The following PPP3R1 variants were observed in gnomAD, a reference collection of about 807,000 sequenced individuals.
PPP3R1 encodes the protein protein phosphatase 3 regulatory subunit B, alpha, also known as calcineurin subunit B type 1.
In PPP3R1, 5 loss-of-function variants were observed where a neutral mutation model predicts 22.6. That is an observed-to-expected ratio of 0.22 (90% CI 0.12 to 0.46). The LOEUF (loss-of-function observed/expected upper bound fraction) is 0.46. Among genes scored for constraint, PPP3R1 ranks in the 20% least tolerant of loss-of-function variants. The pLI is 0.99. For synonymous variants in PPP3R1, 56 were observed against 65.2 expected, an observed-to-expected ratio of 0.86 and a Z score of 0.68; for missense variants, 61 against 203.2, an observed-to-expected ratio of 0.30 and a Z score of 4.25.
intron 2 of PPP3R1, among the ~76,000 whole-genome samples, chr2:68,201,423 G>C (rs954497025): frequency 6.6e-6 from 1 of 151,440 alleles, no homozygotes; most frequent in African/African-American, 2.4e-5. Flanking sequence ...TTTTTCTCTC[G>C]TTGACTTTTA....
intron 1 of PPP3R1, among the ~76,000 whole-genome samples, chr2:68,222,671 T>C (rs1032327130): frequency 6.6e-6 from 1 of 152,210 alleles, no homozygotes; most frequent in South Asian, 2.1e-4. Flanking sequence ...CAGCACCAGC[T>C]TTCCTGGGTC....
intron 1 of PPP3R1, among the ~76,000 whole-genome samples, chr2:68,247,342 A>C (rs551338554): frequency 6.6e-5 from 10 of 151,310 alleles, no homozygotes; most frequent in African/African-American, 2.2e-4. Context: ...TCCTAGGAGA[A>C]TGTGCATTTC....
chr2:68,212,609 G>A (rs934945510), intron 2 of PPP3R1, among the ~76,000 whole-genome samples: 3 of 152,200 alleles, frequency 2.0e-5, no homozygotes, highest in African/African-American at 7.2e-5. Flanking sequence ...TTGTCAATGA[G>A]CAACAATATT....
chr2:68,213,515 T>C (rs1437449579), intron 2 of PPP3R1, among the ~76,000 whole-genome samples: 1 of 152,054 alleles, frequency 6.6e-6, no homozygotes, highest in Non-Finnish European at 1.5e-5. Context: ...ATGATTACAA[T>C]AGTAACATCA....
chr2:68,224,542 C>A (rs2103782286), intron 1 of PPP3R1, among the ~76,000 whole-genome samples: 1 of 151,834 alleles, frequency 6.6e-6, no homozygotes, highest in African/African-American at 2.4e-5. Flanking sequence ...CAGGCGCCTG[C>A]AATCCCAGCT....
intron 1 of PPP3R1, among the ~76,000 whole-genome samples, chr2:68,240,071 T>C (rs1407563273): frequency 6.6e-6 from 1 of 152,228 alleles, no homozygotes; most frequent in Non-Finnish European, 1.5e-5. Flanking sequence ...AGATGTACAT[T>C]AGGTGTATTC....
At chr2:68,251,318 A>C (rs1244960463) in intron 1 of PPP3R1, among the ~76,000 whole-genome samples, 1 of 152,200 alleles carries the variant, frequency 6.6e-6, no homozygotes, top group Non-Finnish European at 1.5e-5. Context: ...ACAAATTAAA[A>C]TCGCCATGAT....
chr2:68,216,260 T>A (rs1340293140), intron 2 of PPP3R1, among the ~76,000 whole-genome samples: 1 of 152,096 alleles, frequency 6.6e-6, no homozygotes, highest in African/African-American at 2.4e-5. Flanking sequence ...TAACATCCAA[T>A]CTTTCAAACA....
intron 1 of PPP3R1, among the ~76,000 whole-genome samples, chr2:68,227,924 G>A (rs763833220): frequency 1.3e-5 from 2 of 152,036 alleles, no homozygotes; most frequent in African/African-American, 2.4e-5. Context: ...AACGGGATCC[G>A]TTTTTCTTCT....
intron 5 of PPP3R1, among the ~76,000 whole-genome samples, chr2:68,184,646 C>T (rs981856595): frequency 6.6e-6 from 1 of 152,148 alleles, no homozygotes; most frequent in Non-Finnish European, 1.5e-5. Context: ...ACTGTTATAG[C>T]TTGAGAAGTC....
chr2:68,198,281 GTA>G (rs1558630967), intron 2 of PPP3R1, among the ~76,000 whole-genome samples: 1 of 143,964 alleles, frequency 6.9e-6, no homozygotes, highest in Non-Finnish European at 1.5e-5. Context: ...GTGTATGCAT[GTA>G]TGTGTATACA....
intron 2 of PPP3R1, among the ~76,000 whole-genome samples, chr2:68,190,457 T>G (rs1377568603): frequency 6.6e-6 from 1 of 151,878 alleles, no homozygotes; most frequent in East Asian, 1.9e-4. Flanking sequence ...TCCCAGGTAC[T>G]TGGGAGGCTG....
chr2:68,211,406 C>CA lies in PPP3R1; in HGVS notation c.43+5685dup, dbSNP rs3979551. Among the ~76,000 whole-genome samples, 216 of 77,344 alleles carry CA rather than the reference C, an allele frequency of 2.8e-3. 2 individuals carry two copies. The highest frequency in any genetic ancestry group is 0.015 in the East Asian group (36 of 2,424). The allele number at this position is 77,344 out of a possible 152,430, so 50.7% of individuals were successfully genotyped here. ...TGGGCGACTGAGCGAGACTCTGTCT[C>CA]AAAAAAAAAAAAAAAAAAACTCTAT... On this transcript the variant is annotated intron_variant, in intron 2 of 5. Coordinates refer to ENST00000234310, the MANE Select transcript of PPP3R1 (RefSeq NM_000945.4).
At position 68,252,173 on chromosome 2, in the gene PPP3R1, G is replaced by A; in HGVS notation, c.-46C>T. On this transcript the variant is annotated 5_prime_UTR_variant, in exon 1 of 6. Transcript: ENST00000234310. ...CTCGCTGGCTCGCTGGCTCGGAGAA[G>A]TGTTGCGCTCAGGCTGGCTCGCAGG... is the stretch of plus-strand genomic sequence containing the variant. The A allele has an allele frequency of 7.2e-6, 10 of 1,384,234 alleles. No individual in the cohort carries two copies. The highest frequency in any genetic ancestry group is 9.6e-6 in the Non-Finnish European group (10 of 1,046,222). 85.7% of individuals were successfully genotyped at this position (1,384,234 alleles called of 1,614,324 possible). A position where few individuals can be genotyped will look rare whatever the true frequency, so the allele number is the denominator to read the frequency against.
chr2:68,217,982 C>T (rs563522074), intron 1 of PPP3R1, among the ~76,000 whole-genome samples: 24 of 152,196 alleles, frequency 1.6e-4, no homozygotes, highest in African/African-American at 5.8e-4. Context: ...ACTTCTAAAT[C>T]TAAAACAGTA....
chr2:68,217,059 A>C, intron 2 of PPP3R1, 33 bp downstream of exon 2: 1 of 1,512,038 alleles, frequency 6.6e-7, no homozygotes, highest in Non-Finnish European at 9.0e-7. Context: ...TGAGTGAATA[A>C]AAGTAACTTT....
intron 1 of PPP3R1, among the ~76,000 whole-genome samples, chr2:68,227,302 A>T (rs538554015): frequency 1.4e-4 from 22 of 152,150 alleles, no homozygotes; most frequent in African/African-American, 5.3e-4. Flanking sequence ...CTTGAAAAGT[A>T]AGTTATCTTA....
chr2:68,217,162 A>G, intron 1 of PPP3R1, 31 bp from the exon 2 acceptor site: 2 of 1,504,956 alleles, frequency 1.3e-6, no homozygotes, highest in Middle Eastern at 3.4e-4. Flanking sequence ...AATTAGTCAT[A>G]AAATAGGCAC....
intron 2 of PPP3R1, among the ~76,000 whole-genome samples, chr2:68,214,910 G>A (rs1022149473): frequency 7.2e-5 from 11 of 152,020 alleles, no homozygotes; most frequent in African/African-American, 2.7e-4. Flanking sequence ...CAGTAGACTG[G>A]ATAAAGAAAA....
Sources: gnomAD v4.1 joint callset for allele counts (sites outside exome capture counted in the v4.1 genomes callset) on GRCh38, gnomAD v4.1.1 for gene constraint, MANE v1.5 for transcripts, NCBI Gene and HGNC (gene_info 2026-07-23, HGNC 2026-07-21) for gene names.